LRMDA: variants seen among roughly 807,000 people sequenced by gnomAD.
LRMDA encodes the protein leucine-rich melanocyte differentiation-associated protein.
A neutral mutation model predicts 29.8 loss-of-function variants in LRMDA; 18 were observed. That is an observed-to-expected ratio of 0.60 (90% CI 0.42 to 0.90). LRMDA has a LOEUF of 0.90. LRMDA is among the 40% of genes least tolerant of loss of function. The pLI, the probability that LRMDA is intolerant of heterozygous loss-of-function variation, is 0.00. For synonymous variants in LRMDA, 125 were observed against 109.4 expected, an observed-to-expected ratio of 1.14 and a Z score of -0.89; for missense variants, 273 against 273.9, an observed-to-expected ratio of 1.00 and a Z score of 0.02.
chr10:75,616,083 G>A (rs78399333), intron 2 of LRMDA, among the ~76,000 whole-genome samples: 8,012 of 152,240 alleles, frequency 0.053, 281 homozygotes, highest in Non-Finnish European at 0.08. Flanking sequence ...TTCCACATGG[G>A]TGGGGAGGGC....
intron 6 of LRMDA, among the ~76,000 whole-genome samples, chr10:76,511,754 T>G (rs1843011016): frequency 6.6e-6 from 1 of 150,958 alleles, no homozygotes; most frequent in African/African-American, 2.4e-5. Context: ...TCCATATTCA[T>G]GAATTAAAAG....
intron 5 of LRMDA, among the ~76,000 whole-genome samples, chr10:76,313,083 C>T (rs1053153724): frequency 3.9e-5 from 6 of 152,022 alleles, no homozygotes; most frequent in Non-Finnish European, 1.5e-5. Context: ...AAGACAGCAG[C>T]AACTGGAGGC....
intron 2 of LRMDA, among the ~76,000 whole-genome samples, chr10:75,675,602 C>G (rs999482609): frequency 1.3e-5 from 2 of 152,132 alleles, no homozygotes; most frequent in Non-Finnish European, 2.9e-5. Flanking sequence ...TTATGCCATT[C>G]CTGTCACTAA....
chr10:76,471,811 A>G (rs1309561811), intron 6 of LRMDA, among the ~76,000 whole-genome samples: 1 of 151,780 alleles, frequency 6.6e-6, no homozygotes, highest in Admixed American at 6.6e-5. Context: ...AGACAGAAAA[A>G]GTTACTAGAG....
In LRMDA at chr10:76,114,885, C is replaced by G. The variant is rs75855144; in HGVS notation, c.516+56102C>G. Reference sequence around the variant, plus strand: ...CCTTTGCCAGGGCTTGCTTGTCCCCCCTGAAGCTCAGAAAATTTCAAACAG... The same window carrying G: ...CCTTTGCCAGGGCTTGCTTGTCCCCGCTGAAGCTCAGAAAATTTCAAACAG... On this transcript the variant is annotated intron_variant, in intron 5 of 6. Transcript: ENST00000611255. Among the ~76,000 whole-genome samples, 335 of 152,318 alleles carry G rather than the reference C, an allele frequency of 2.2e-3. 2 individuals are homozygous for G. Among genetic ancestry groups the G allele is most frequent in the African/African-American group, 7.4e-3 (306 of 41,570 alleles).
At chr10:76,240,399 T>C (rs1042482757) in intron 5 of LRMDA, among the ~76,000 whole-genome samples, 3 of 148,456 alleles carry the variant, frequency 2.0e-5, no homozygotes, top group South Asian at 4.2e-4. Flanking sequence ...TAATAATAAA[T>C]ATATGTAATA....
At position 75,991,050 on chromosome 10, in the gene LRMDA, AC is replaced by A. The variant is rs1280323945; in HGVS notation, c.132-44957del. On this transcript the variant is annotated intron_variant, in intron 2 of 6. Transcript: ENST00000611255. ...TCTCACAAAATTGTCAAGATGGTAA[AC>A]AGTGTAGACTTAGAATTGTAATAAA... Among the ~76,000 whole-genome samples, 11 of 152,322 alleles carry A rather than the reference AC, an allele frequency of 7.2e-5. No homozygotes were observed. In the East Asian group the frequency reaches 1.9e-3, roughly 27 times the overall value.
chr10:75,456,742 C>G (rs1844522697), intron 2 of LRMDA, among the ~76,000 whole-genome samples: 1 of 152,216 alleles, frequency 6.6e-6, no homozygotes. Flanking sequence ...GTGGCACAAT[C>G]TTGGCTCACT....
intron 2 of LRMDA, among the ~76,000 whole-genome samples, chr10:75,870,637 T>C (rs1845093870): frequency 1.3e-5 from 2 of 152,228 alleles, no homozygotes; most frequent in African/African-American, 4.8e-5. Flanking sequence ...CCTCCCACTG[T>C]TGACCAGCTT....
At chr10:75,654,879 GA>G (rs1337810165) in intron 2 of LRMDA, among the ~76,000 whole-genome samples, 2 of 152,172 alleles carry the variant, frequency 1.3e-5, no homozygotes, top group African/African-American at 4.8e-5. Flanking sequence ...TCAAGGATTT[GA>G]AATCACAATC....
intron 6 of LRMDA, among the ~76,000 whole-genome samples, chr10:76,426,099 T>A (rs763193787): frequency 6.6e-6 from 1 of 152,178 alleles, no homozygotes; most frequent in Non-Finnish European, 1.5e-5. Context: ...ATGATTTATA[T>A]TCCTTTGGGT....
At chr10:75,816,071 A>G (rs954422799) in intron 2 of LRMDA, among the ~76,000 whole-genome samples, 2 of 152,338 alleles carry the variant, frequency 1.3e-5, no homozygotes, top group East Asian at 3.9e-4. Context: ...ATGATCTTTC[A>G]TGTGACATCA....
chr10:75,667,011 C>T (rs529845957), intron 2 of LRMDA, among the ~76,000 whole-genome samples: 31 of 151,988 alleles, frequency 2.0e-4, no homozygotes, highest in Non-Finnish European at 4.3e-4. Context: ...AAGAGGGTGG[C>T]GTGTATGGGT....
At chr10:75,876,885 C>T (rs1845207369) in intron 2 of LRMDA, among the ~76,000 whole-genome samples, 2 of 152,296 alleles carry the variant, frequency 1.3e-5, no homozygotes, top group African/African-American at 4.8e-5. Flanking sequence ...TAAAGTGCAT[C>T]ATCAGCTGTG....
At chr10:76,443,387 G>A (rs762904998) in intron 6 of LRMDA, among the ~76,000 whole-genome samples, 1 of 152,094 alleles carries the variant, frequency 6.6e-6, no homozygotes, top group African/African-American at 2.4e-5. Context: ...GAGATAATCC[G>A]AGCTAGAGTT....
intron 4 of LRMDA, among the ~76,000 whole-genome samples, chr10:76,049,815 C>T (rs181668276): frequency 6.6e-6 from 1 of 152,272 alleles, no homozygotes; most frequent in African/African-American, 2.4e-5. Context: ...GTTTGCCTTC[C>T]TTCTAGCTGT....
intron 6 of LRMDA, among the ~76,000 whole-genome samples, chr10:76,407,899 CAT>C (rs576046979): frequency 3.9e-5 from 6 of 152,244 alleles, no homozygotes; most frequent in African/African-American, 1.4e-4. Context: ...GTATGTTAAA[CAT>C]AGAGTTTTAG....
intron 6 of LRMDA, among the ~76,000 whole-genome samples, chr10:76,546,996 G>A (rs1843427668): frequency 6.6e-6 from 1 of 152,084 alleles, no homozygotes; most frequent in Non-Finnish European, 1.5e-5. Context: ...CTTTTTTGAT[G>A]ACACTGAGAC....
chr10:75,801,326 G>A (rs1412617598), intron 2 of LRMDA, among the ~76,000 whole-genome samples: 3 of 152,182 alleles, frequency 2.0e-5, no homozygotes, highest in Non-Finnish European at 4.4e-5. Context: ...CCTGACATCT[G>A]GCTTTTCAAG....
Sources: allele counts gnomAD v4.1 joint callset (sites outside exome capture counted in the v4.1 genomes callset), GRCh38; gene constraint gnomAD v4.1.1; transcripts MANE v1.5; gene names NCBI Gene and HGNC (gene_info 2026-07-23, HGNC 2026-07-21).